The following CDCA7L variants were observed in gnomAD, a reference collection of about 807,000 sequenced individuals.
The protein encoded by CDCA7L is cell division cycle associated 7 like.
In CDCA7L, 44 loss-of-function variants were observed where a neutral mutation model predicts 57.4. That is an observed-to-expected ratio of 0.77 (90% CI 0.60 to 0.98). The LOEUF (loss-of-function observed/expected upper bound fraction) is 0.98, where lower values mean the gene tolerates loss of function less well. Among genes scored for constraint, CDCA7L ranks in the 50% least tolerant of loss-of-function variants. The pLI is 0.00. For missense variants in CDCA7L, 644 were observed against 580.6 expected, an observed-to-expected ratio of 1.11 and a Z score of -1.12; for synonymous variants, 236 against 202.8, an observed-to-expected ratio of 1.16 and a Z score of -1.39.
chr7:21,930,540 C>CA (rs1243486908), intron 1 of CDCA7L, among the ~76,000 whole-genome samples: 6 of 151,352 alleles, frequency 4.0e-5, no homozygotes, highest in Non-Finnish European at 8.8e-5. Context: ...ACTAAAAACA[C>CA]AAAAAAATTA....
At chr7:21,913,715 T>C (rs187037685) in intron 2 of CDCA7L, among the ~76,000 whole-genome samples, 1 of 152,366 alleles carries the variant, frequency 6.6e-6, no homozygotes, top group East Asian at 1.9e-4. Flanking sequence ...CTTGAAGCTA[T>C]GAGTTCCCAT....
rs370038827 is a variant in CDCA7L at position 21,901,185 on chromosome 7, C to G, written c.*1137G>C. On this transcript the variant is annotated 3_prime_UTR_variant, in exon 10 of 10. Transcript: ENST00000406877. Reference sequence around the variant, plus strand: ...GAGGCCCCAGCTACATCTGGACCTTCAGGCTGAAGAGCGAAGAGAAGACTG... The same window carrying G: ...GAGGCCCCAGCTACATCTGGACCTTGAGGCTGAAGAGCGAAGAGAAGACTG... 5 of 1,613,196 alleles carry G rather than the reference C, an allele frequency of 3.1e-6. No individual in the cohort carries two copies. The highest frequency in any genetic ancestry group is 4.2e-6 in the Non-Finnish European group (5 of 1,179,528).
rs1785289096 is a variant in CDCA7L, at chr7:21,910,664, G to A, written c.303+953C>T. On this transcript the variant is annotated intron_variant, in intron 3 of 9. Coordinates refer to ENST00000406877, the MANE Select transcript of CDCA7L (RefSeq NM_018719.5). ...TTCTGCACTTAAATCCGAAGGCTGT[G>A]CCTTAAAGTTACCTTCAGGTTCAAA... 3.3e-5 allele frequency among the ~76,000 whole-genome samples: 5 copies of A among 152,224 alleles called. No homozygotes were observed. In the South Asian group the frequency reaches 1.0e-3, roughly 32 times the overall value.
At chr7:21,918,195 A>C (rs1785545878) in intron 1 of CDCA7L, among the ~76,000 whole-genome samples, 1 of 152,188 alleles carries the variant, frequency 6.6e-6, no homozygotes, top group African/African-American at 2.4e-5. Context: ...ATTTTTAAAA[A>C]ATTTTTCATT....
At chr7:21,929,965 G>A (rs531327994) in intron 1 of CDCA7L, among the ~76,000 whole-genome samples, 1 of 152,234 alleles carries the variant, frequency 6.6e-6, no homozygotes, top group East Asian at 1.9e-4. Flanking sequence ...GGACCAAGCA[G>A]ACCTAATAGA....
At chr7:21,910,995 C>A (rs746230111) in intron 3 of CDCA7L, among the ~76,000 whole-genome samples, 1 of 129,744 alleles carries the variant, frequency 7.7e-6, no homozygotes, top group African/African-American at 2.9e-5. Context: ...GTTTAAGGAA[C>A]TCTTGAGATA....
Position 21,916,792 on chromosome 7 carries a change from T to C in CDCA7L, c.127A>G (p.Ser43Gly), listed in dbSNP as rs367734480. Residue 43 changes from serine to glycine, a missense_variant, in exon 2 of 10, where the codon AGC (serine) becomes GGC (glycine). By Grantham distance (56) the Ser-to-Gly change is moderately conservative. Transcript: ENST00000406877. The stretch of plus-strand genomic sequence containing the variant: ...TCTAGTGAGTCAAAACTATCGCAGC[T>C]CTCCTCTGACGAGAGGGTTTCCATG... ...VPMETLSSEE[S>G]CDSFDSLESG... is the part of the protein sequence containing the mutation. 10 of 1,613,714 alleles carry C rather than the reference T, an allele frequency of 6.2e-6. No homozygotes were observed. Among genetic ancestry groups the C allele is most frequent in the Non-Finnish European group, 8.5e-6 (10 of 1,179,940 alleles).
chr7:21,923,175 A>T (rs1785712333), intron 1 of CDCA7L, among the ~76,000 whole-genome samples: 2 of 152,228 alleles, frequency 1.3e-5, no homozygotes, highest in South Asian at 4.1e-4. Context: ...TTTAAAAAGA[A>T]TTCAACGAAA....
intron 1 of CDCA7L, among the ~76,000 whole-genome samples, chr7:21,931,151 A>G (rs1167438200): frequency 6.6e-6 from 1 of 152,204 alleles, no homozygotes; most frequent in Non-Finnish European, 1.5e-5. Flanking sequence ...CTGCCAACCA[A>G]AAGAGTCTAG....
At chr7:21,934,044 G>C (rs1786092469) in intron 1 of CDCA7L, among the ~76,000 whole-genome samples, 1 of 152,054 alleles carries the variant, frequency 6.6e-6, no homozygotes, top group South Asian at 2.1e-4. Context: ...AGAAAATGCT[G>C]AAAGGAGTAC....
rs1784921278 is a variant in CDCA7L at position 21,902,239 on chromosome 7, AAAAATCTTTCTT to A, written c.*71_*82del. 8 of 1,135,080 alleles carry A rather than the reference AAAAATCTTTCTT, an allele frequency of 7.0e-6. No homozygotes were observed. Among genetic ancestry groups the A allele is most frequent in the Non-Finnish European group, 1.0e-5 (8 of 786,814 alleles). 70.3% of individuals were successfully genotyped at this position (1,135,080 alleles called of 1,614,324 possible). ...TTTCTGTATAAAAACACAACTGTAA[AAAAATCTTTCTT>A]AGGCACCAATGGTATGCATGTCTTG... On this transcript the variant is annotated 3_prime_UTR_variant, in exon 10 of 10. Coordinates refer to ENST00000406877, the MANE Select transcript of CDCA7L (RefSeq NM_018719.5).
chr7:21,902,000 ACAATGTTTTCTCT>A lies in CDCA7L; in HGVS notation c.*309_*321del. The A allele has an allele frequency of 2.9e-6, 1 of 345,456 alleles. No individual in the cohort carries two copies. The highest frequency in any genetic ancestry group is 3.8e-5 in the South Asian group (1 of 26,296). The allele number at this position is 345,456 out of a possible 1,614,324, so 21.4% of individuals were successfully genotyped here. On this transcript the variant is annotated 3_prime_UTR_variant, in exon 10 of 10. Coordinates refer to ENST00000406877, the MANE Select transcript of CDCA7L (RefSeq NM_018719.5). ...TAGATCAAGTGCAGGAGCTGATCAT[ACAATGTTTTCTCT>A]CTAACTTACTTACCTGAACTTTAAC...
At chr7:21,905,408 T>G in intron 7 of CDCA7L, 98 bp downstream of exon 7, 124 of 1,341,388 alleles carry the variant, frequency 9.2e-5, no homozygotes, top group Non-Finnish European at 1.2e-4. Flanking sequence ...GAGCCCTTGG[T>G]GAGATGGCAT....
At chr7:21,906,492 C>G in intron 5 of CDCA7L, 36 bp from the exon 6 acceptor site, 2 of 1,611,008 alleles carry the variant, frequency 1.2e-6, no homozygotes, top group Non-Finnish European at 1.7e-6. Flanking sequence ...CAACTGGGGA[C>G]TCTCTCGAAT....
intron 1 of CDCA7L, among the ~76,000 whole-genome samples, chr7:21,940,544 AT>A (rs1294847894): frequency 5.3e-5 from 8 of 152,336 alleles, no homozygotes; most frequent in Non-Finnish European, 1.2e-4. Flanking sequence ...CCAGTGTGGT[AT>A]GATAAATGTG....
chr7:21,911,659 A>G lies in CDCA7L; in HGVS notation c.261T>C (p.Phe87=). ...TCTTTCCATTCAGATCACTCTGCGTAAATCCTGCAAAATCCTCAGTCTCTG... is the reference window on the plus strand; with the variant it reads ...TCTTTCCATTCAGATCACTCTGCGTGAATCCTGCAAAATCCTCAGTCTCTG... ...TDSETEDFAG[F]TQSDLNGKTN... The change falls in exon 3 of 10, where the codon TTT becomes TTC. Residue 87 remains phenylalanine, a synonymous_variant. Transcript: ENST00000406877. 1 of 1,613,876 alleles carries G rather than the reference A, an allele frequency of 6.2e-7. No homozygotes were observed. The highest frequency in any genetic ancestry group is 8.5e-7 in the Non-Finnish European group (1 of 1,179,910).
chr7:21,937,020 T>C (rs1371651466), intron 1 of CDCA7L, among the ~76,000 whole-genome samples: 4 of 152,126 alleles, frequency 2.6e-5, no homozygotes, highest in Non-Finnish European at 4.4e-5. Context: ...TGAACAATTA[T>C]GAAAATTAAG....
Position 21,945,807 on chromosome 7 carries a change from T to C in CDCA7L, c.-3A>G. ...TGGTAGCGAGTCGCCAACTCCATTCTTCCTAACCGGGCTCCAGTCTCCTCC... is the reference window on the plus strand; with the variant it reads ...TGGTAGCGAGTCGCCAACTCCATTCCTCCTAACCGGGCTCCAGTCTCCTCC... On this transcript the variant is annotated 5_prime_UTR_variant, in exon 1 of 10. Coordinates refer to ENST00000406877, the MANE Select transcript of CDCA7L (RefSeq NM_018719.5). 1 of 1,599,112 alleles carries C rather than the reference T, an allele frequency of 6.3e-7. No individual in the cohort carries two copies. Among genetic ancestry groups the C allele is most frequent in the East Asian group, 2.3e-5 (1 of 43,000 alleles).
intron 1 of CDCA7L, among the ~76,000 whole-genome samples, chr7:21,927,807 C>T (rs966791614): frequency 3.9e-5 from 6 of 152,238 alleles, no homozygotes; most frequent in Admixed American, 3.9e-4. Context: ...ATCAGCTGTT[C>T]AGCCCCAGTC....
Sources: allele counts gnomAD v4.1 joint callset (sites outside exome capture counted in the v4.1 genomes callset), GRCh38; gene constraint gnomAD v4.1.1; transcripts MANE v1.5; gene names NCBI Gene and HGNC (gene_info 2026-07-23, HGNC 2026-07-21).